SCD5: variants seen among roughly 807,000 people sequenced by gnomAD.
The protein encoded by SCD5 is stearoyl-CoA desaturase 5.
In SCD5, 20 loss-of-function variants were observed where a neutral mutation model predicts 30.4. That is an observed-to-expected ratio of 0.66 (90% CI 0.46 to 0.96). The LOEUF (loss-of-function observed/expected upper bound fraction) is 0.96, where lower values mean the gene tolerates loss of function less well. SCD5 is among the 40% of genes least tolerant of loss of function. The probability of loss-of-function intolerance (pLI) is 0.00; values close to 1 mark genes in which losing one functional copy is unlikely to be tolerated. For missense variants in SCD5, 381 were observed against 443.3 expected (o/e 0.86, Z 1.26); for synonymous variants, 173 against 176.4 (o/e 0.98, Z 0.16).
chr4:82,772,419 T>C (rs1231277032), intron 1 of SCD5, among the ~76,000 whole-genome samples: 1 of 152,246 alleles, frequency 6.6e-6, no homozygotes, highest in East Asian at 1.9e-4. Context: ...GTTCTGTCAA[T>C]AACTCTTGAG....
intron 3 of SCD5, among the ~76,000 whole-genome samples, chr4:82,643,434 C>G (rs998834053): frequency 8.5e-5 from 13 of 152,050 alleles, no homozygotes; most frequent in African/African-American, 3.1e-4. Context: ...CATGGATGGG[C>G]CTTGAAAACA....
intron 1 of SCD5, among the ~76,000 whole-genome samples, chr4:82,756,158 T>C (rs1393737012): frequency 6.6e-6 from 1 of 152,126 alleles, no homozygotes; most frequent in African/African-American, 2.4e-5. Context: ...AGCATCTCTC[T>C]CCACTCCCTT....
At chr4:82,635,189 C>T (rs1337368654) in intron 4 of SCD5, among the ~76,000 whole-genome samples, 2 of 152,174 alleles carry the variant, frequency 1.3e-5, no homozygotes, top group African/African-American at 4.8e-5. Flanking sequence ...AATCACCTTG[C>T]TTTGACAGGT....
intron 1 of SCD5, among the ~76,000 whole-genome samples, chr4:82,729,890 A>G (rs1364080087): frequency 6.6e-6 from 1 of 152,182 alleles, no homozygotes; most frequent in East Asian, 1.9e-4. Flanking sequence ...CTTCCCAATT[A>G]GCACTTATCT....
intron 1 of SCD5, among the ~76,000 whole-genome samples, chr4:82,742,955 G>A (rs559848628): frequency 5.9e-5 from 9 of 152,168 alleles, no homozygotes; most frequent in African/African-American, 2.2e-4. Flanking sequence ...CAGTCCTGGG[G>A]ATTCAGAAAC....
chr4:82,636,894 G>A (rs894628249), intron 3 of SCD5, 71 bp from the exon 4 acceptor site: 3 of 1,330,726 alleles, frequency 2.3e-6, no homozygotes, highest in Non-Finnish European at 3.1e-6. Flanking sequence ...GCAAGTCACA[G>A]GAAAAGTCAG....
At chr4:82,791,415 GA>G (rs34170165) in intron 1 of SCD5, among the ~76,000 whole-genome samples, 127 of 142,428 alleles carry the variant, frequency 8.9e-4, no homozygotes, top group Middle Eastern at 3.5e-3. Flanking sequence ...AATAAAATTG[GA>G]AAAAAAAAAA....
chr4:82,677,713 A>C (rs1728466439), intron 3 of SCD5, among the ~76,000 whole-genome samples: 1 of 152,228 alleles, frequency 6.6e-6, no homozygotes, highest in South Asian at 2.1e-4. Context: ...ACATCTGAAG[A>C]CAGCTGTAGC....
At position 82,657,422 on chromosome 4, in the gene SCD5, T is replaced by C. The variant is rs980243524; in HGVS notation, c.570-20599A>G. Among the ~76,000 whole-genome samples the C allele has an allele frequency of 2.0e-5, 3 of 152,206 alleles. No homozygotes were observed. The South Asian group carries it at 6.2e-4, about 32-fold the overall frequency. ...TCAGATGGTTGTAGATGTGTGGCAT[T>C]ATTTCTGAGGCTTCTGTTCTGTTTC... On this transcript the variant is annotated intron_variant, in intron 3 of 4. Coordinates refer to ENST00000319540, the MANE Select transcript of SCD5 (RefSeq NM_001037582.3).
At chr4:82,658,465 A>AG (rs1338498625) in intron 3 of SCD5, among the ~76,000 whole-genome samples, 1 of 76,832 alleles carries the variant, frequency 1.3e-5, no homozygotes, top group Non-Finnish European at 2.4e-5. Context: ...GTGGTGGATA[A>AG]GCTTTTTTTT....
At chr4:82,672,204 G>C (rs1415271572) in intron 3 of SCD5, among the ~76,000 whole-genome samples, 2 of 151,940 alleles carry the variant, frequency 1.3e-5, no homozygotes, top group Non-Finnish European at 2.9e-5. Context: ...ATAAAAATTA[G>C]AGCAGAGAGA....
intron 1 of SCD5, among the ~76,000 whole-genome samples, chr4:82,730,270 TATA>T (rs1720603193): frequency 3.6e-5 from 3 of 82,354 alleles, no homozygotes; most frequent in African/African-American, 3.0e-4. Flanking sequence ...CATTTATATA[TATA>T]GTTATATATA....
intron 1 of SCD5, among the ~76,000 whole-genome samples, chr4:82,786,809 A>AC (rs1479075881): frequency 6.6e-5 from 10 of 151,502 alleles, no homozygotes; most frequent in Non-Finnish European, 1.5e-4. Flanking sequence ...AAAAAAAAAA[A>AC]AACAAGGCAA....
chr4:82,676,248 T>C (rs1047893928), intron 3 of SCD5, among the ~76,000 whole-genome samples: 2 of 152,240 alleles, frequency 1.3e-5, no homozygotes, highest in Admixed American at 6.5e-5. Flanking sequence ...AGTGCTGCCA[T>C]GTCCTCCCTG....
intron 1 of SCD5, among the ~76,000 whole-genome samples, chr4:82,740,933 C>T (rs1720859700): frequency 7.0e-6 from 1 of 143,598 alleles, no homozygotes; most frequent in Non-Finnish European, 1.5e-5. Flanking sequence ...TTTCCCAATT[C>T]TTTTTTTTTT....
At chr4:82,713,120 T>C (rs1026511875) in intron 1 of SCD5, among the ~76,000 whole-genome samples, 12 of 152,184 alleles carry the variant, frequency 7.9e-5, no homozygotes, top group Admixed American at 5.9e-4. Flanking sequence ...TGTTCTCTCA[T>C]CCCACAGCAT....
intron 1 of SCD5, among the ~76,000 whole-genome samples, chr4:82,794,454 A>T (rs1198409431): frequency 4.6e-5 from 7 of 152,132 alleles, no homozygotes; most frequent in African/African-American, 1.7e-4. Context: ...CCATCAGGGG[A>T]GGCTCCGCTG....
At chr4:82,689,940 A>T (rs1370972402) in intron 2 of SCD5, among the ~76,000 whole-genome samples, 3 of 152,208 alleles carry the variant, frequency 2.0e-5, no homozygotes, top group African/African-American at 7.2e-5. Context: ...ACATGAGCAA[A>T]CCCAAATGGA....
chr4:82,685,492 C>G (rs6838278), intron 2 of SCD5, among the ~76,000 whole-genome samples: 120,851 of 151,970 alleles, frequency 0.8, 48,278 homozygotes, highest in Middle Eastern at 0.87. Context: ...GTGGGCGAAC[C>G]ACCTGAGGAC....
Sources: gnomAD v4.1 joint callset for allele counts (sites outside exome capture counted in the v4.1 genomes callset) on GRCh38, gnomAD v4.1.1 for gene constraint, MANE v1.5 for transcripts, NCBI Gene and HGNC (gene_info 2026-07-23, HGNC 2026-07-21) for gene names.